The following LBX2 variants were observed in gnomAD, a reference collection of about 807,000 sequenced individuals.
LBX2 encodes the protein transcription factor LBX2.
In LBX2, 6 loss-of-function variants were observed where a neutral mutation model predicts 7.5. The observed-to-expected ratio is 0.80, with a 90% CI of 0.44 to 1.59. The LOEUF is 1.59. Among genes scored for constraint, LBX2 ranks in the 40% most tolerant of loss-of-function variants. LBX2 has a pLI of 0.01. For synonymous variants in LBX2, 143 were observed against 133.2 expected, an observed-to-expected ratio of 1.07 and a Z score of -0.51; for missense variants, 281 against 282.0, an observed-to-expected ratio of 1.00 and a Z score of 0.03.
Position 74,499,596 on chromosome 2 carries a change from G to A in LBX2, c.-59C>T. The A allele has an allele frequency of 1.3e-6, 2 of 1,496,822 alleles. No homozygotes were observed. Among genetic ancestry groups the A allele is most frequent in the Non-Finnish European group, 1.8e-6 (2 of 1,112,490 alleles). The allele number at this position is 1,496,822 out of a possible 1,614,324, so 92.7% of individuals were successfully genotyped here. On this transcript the variant is annotated 5_prime_UTR_variant, in exon 1 of 2. Transcript: ENST00000377566. The surrounding 1 kb of genome is among the most constrained non-coding windows in gnomAD (Gnocchi z 4.6). Reference sequence around the variant, plus strand: ...TGCGCTAGGCTCCGCAAACGCCTGGGCCCCAGTGCTCGGCTCCCAATCCGG... The same window carrying A: ...TGCGCTAGGCTCCGCAAACGCCTGGACCCCAGTGCTCGGCTCCCAATCCGG...
Position 74,499,602 on chromosome 2 carries a change from G to A in LBX2, c.-65C>T. 1 of 1,482,112 alleles carries A rather than the reference G, an allele frequency of 6.7e-7. No homozygotes were observed. Among genetic ancestry groups the A allele is most frequent in the Non-Finnish European group, 9.1e-7 (1 of 1,103,680 alleles). 91.8% of individuals were successfully genotyped at this position (1,482,112 alleles called of 1,614,324 possible). On this transcript the variant is annotated 5_prime_UTR_variant, in exon 1 of 2. Coordinates refer to ENST00000377566, the MANE Select transcript of LBX2 (RefSeq NM_001282430.2). This position sits in a 1 kb window ranked among gnomAD's most constrained non-coding sequence, Gnocchi z 4.6. ...AGGCTCCGCAAACGCCTGGGCCCCA[G>A]TGCTCGGCTCCCAATCCGGGCCCCC...
upstream of LBX2, chr2:74,502,758 G>T: frequency 6.2e-7 from 1 of 1,614,048 alleles, no homozygotes; most frequent in South Asian, 1.1e-5. This position sits in a 1 kb window ranked among gnomAD's most constrained non-coding sequence, Gnocchi z 5.4. Flanking sequence ...CCGGGCGTGC[G>T]GGCCGGGAAG....
At chr2:74,502,616 C>A, upstream of LBX2, 2 of 1,564,228 alleles carry the variant, frequency 1.3e-6, no homozygotes. This position sits in a 1 kb window ranked among gnomAD's most constrained non-coding sequence, Gnocchi z 5.4. Context: ...TTTTCTCTTT[C>A]AGAAAGCGCT....
upstream of LBX2, among the ~76,000 whole-genome samples, chr2:74,499,916 A>C (rs1445293305): frequency 2.0e-5 from 3 of 152,222 alleles, no homozygotes; most frequent in Non-Finnish European, 4.4e-5. The surrounding 1 kb of genome is among the most constrained non-coding windows in gnomAD (Gnocchi z 4.6). Flanking sequence ...GCTCCGGCTC[A>C]TAAACTAGTA....
upstream of LBX2, chr2:74,499,811 G>C (rs1674447480): frequency 5.5e-6 from 3 of 543,996 alleles, no homozygotes; most frequent in South Asian, 6.4e-5. This position sits in a 1 kb window ranked among gnomAD's most constrained non-coding sequence, Gnocchi z 4.6. Flanking sequence ...GCAGGGCCAC[G>C]GGGCTGCTCC....
At chr2:74,501,395 A>C (rs573326844), upstream of LBX2, 1 of 152,392 alleles carries the variant, frequency 6.6e-6, no homozygotes, top group Non-Finnish European at 1.5e-5. Context: ...GAACTGCCCC[A>C]CTGCATCCCA....
At chr2:74,502,701 C>T (rs1674520844), upstream of LBX2, 1 of 1,614,158 alleles carries the variant, frequency 6.2e-7, no homozygotes, top group Non-Finnish European at 8.5e-7. This position sits in a 1 kb window ranked among gnomAD's most constrained non-coding sequence, Gnocchi z 5.4. Flanking sequence ...TGTTTTCCGC[C>T]CTGGACGCTG....
Position 74,497,960 on chromosome 2 carries a change from G to GT in LBX2, c.563dup (p.His188GlnfsTer120). 2 of 1,598,182 alleles carry GT rather than the reference G, an allele frequency of 1.3e-6. No individual in the cohort carries two copies. The highest frequency in any genetic ancestry group is 1.7e-4 in the Middle Eastern group (1 of 5,964). On this transcript the variant is annotated frameshift_variant, in exon 2 of 2. Coordinates refer to ENST00000377566, the MANE Select transcript of LBX2 (RefSeq NM_001282430.2). LOFTEE classifies it high-confidence loss of function. The stretch of plus-strand genomic sequence containing the variant: ...CCACCTGTATCTCCTCGTCTGACAG[G>GT]TGGGGCCGGGAGTCAGGGCCGGCAG...
upstream of LBX2, chr2:74,502,145 C>G (rs998478536): frequency 3.9e-5 from 6 of 154,720 alleles, no homozygotes; most frequent in Admixed American, 2.6e-4. This position sits in a 1 kb window ranked among gnomAD's most constrained non-coding sequence, Gnocchi z 5.4. Flanking sequence ...TCCCCACATT[C>G]CAAATTCGCT....
upstream of LBX2, among the ~76,000 whole-genome samples, chr2:74,501,306 G>A (rs769212343): frequency 2.6e-5 from 4 of 152,104 alleles, no homozygotes; most frequent in Non-Finnish European, 5.9e-5. Flanking sequence ...AGAGATCTTC[G>A]GGCTACAGGC....
upstream of LBX2, chr2:74,499,694 T>C: frequency 2.8e-6 from 2 of 720,702 alleles, no homozygotes; most frequent in Non-Finnish European, 4.5e-6. This position sits in a 1 kb window ranked among gnomAD's most constrained non-coding sequence, Gnocchi z 4.6. Flanking sequence ...CCCCCACCTC[T>C]CCACCCCGGG....
chr2:74,502,889 G>C (rs759083201), upstream of LBX2: 1 of 1,568,964 alleles, frequency 6.4e-7, no homozygotes, highest in South Asian at 1.1e-5. This position sits in a 1 kb window ranked among gnomAD's most constrained non-coding sequence, Gnocchi z 5.4. Flanking sequence ...GCCAGGCTGA[G>C]AGAGGGACCC....
rs1250433056 is a variant in LBX2 at position 74,497,950 on chromosome 2, C to T, written c.574G>A (p.Glu192Lys). The change falls in exon 2 of 2, where the codon GAG becomes AAG. Residue 192 changes from glutamate to lysine, a missense_variant. Coordinates refer to ENST00000377566, the MANE Select transcript of LBX2 (RefSeq NM_001282430.2). ...GPDSRPHLSD[E>K]EIQVDD The stretch of plus-strand genomic sequence containing the variant: ...CTTCAATCGTCCACCTGTATCTCCT[C>T]GTCTGACAGGTGGGGCCGGGAGTCA... 3.1e-6 allele frequency: 5 copies of T among 1,591,624 alleles called. No individual in the cohort carries two copies. The highest frequency in any genetic ancestry group is 8.6e-7 in the Non-Finnish European group (1 of 1,166,656).
At position 74,499,507 on chromosome 2, in the gene LBX2, G is replaced by A. The variant is rs1349257151; in HGVS notation, c.31C>T (p.Arg11Trp). MNSGREPRTP[R>W]TLLSIADILA... ...ATGTCTGCGATGCTTAAGAGTGTCCGGGGTGTTCGGGGCTCGCGTCCCGAG... is the reference window on the plus strand; with the variant it reads ...ATGTCTGCGATGCTTAAGAGTGTCCAGGGTGTTCGGGGCTCGCGTCCCGAG... Residue 11 changes from arginine (R) to tryptophan (W), a missense_variant, in exon 1 of 2, where the codon CGG (arginine) becomes TGG (tryptophan). Physicochemically the swap from Arg to Trp is moderately radical, Grantham distance 101. This residue lies in a region of LBX2 where 216 missense variants were observed against 208.7 expected (regional missense o/e 1.03). Transcript: ENST00000377566. The surrounding 1 kb of genome is among the most constrained non-coding windows in gnomAD (Gnocchi z 4.6). 3 of 1,549,534 alleles carry A rather than the reference G, an allele frequency of 1.9e-6. No individual in the cohort carries two copies. Among genetic ancestry groups the A allele is most frequent in the East Asian group, 2.4e-5 (1 of 40,894 alleles).
In LBX2 at chr2:74,499,463, G is replaced by T. The variant is rs117489853; in HGVS notation, c.75C>A (p.Val25=). Residue 25 remains valine (V), a synonymous_variant, in exon 1 of 2, where the codon GTC becomes GTA. Coordinates refer to ENST00000377566, the MANE Select transcript of LBX2 (RefSeq NM_001282430.2). This position sits in a 1 kb window ranked among gnomAD's most constrained non-coding sequence, Gnocchi z 4.6. The part of the protein sequence containing the change: ...SIADILAPRM[V]PRAPSAPQLP... ...GCTGCGGCGCAGAGGGTGCTCGGGG[G>T]ACCATGCGCGGGGCTAGGATGTCTG... 2 of 1,550,450 alleles carry T rather than the reference G, an allele frequency of 1.3e-6. No individual in the cohort carries two copies. Among genetic ancestry groups the T allele is most frequent in the Admixed American group, 2.0e-5 (1 of 50,996 alleles).
chr2:74,501,472 T>C (rs529523548), upstream of LBX2: 2 of 152,376 alleles, frequency 1.3e-5, no homozygotes, highest in South Asian at 4.1e-4. Context: ...TGTGTCTGTC[T>C]CTACCTCTGC....
rs1488075878 is a variant in LBX2 at position 74,498,328 on chromosome 2, T to C, written c.206-10A>G. The C allele has an allele frequency of 6.7e-7, 1 of 1,500,940 alleles. No homozygotes were observed. Among genetic ancestry groups the C allele is most frequent in the African/African-American group, 1.4e-5 (1 of 72,174 alleles). The allele number at this position is 1,500,940 out of a possible 1,614,324, so 93.0% of individuals were successfully genotyped here. Reference sequence around the variant, plus strand: ...TCCGGACCTGCCCGCCCTGTAGGGATAGGGAGGGGGTCAGTTTCCAGCCTC... The same window carrying C: ...TCCGGACCTGCCCGCCCTGTAGGGACAGGGAGGGGGTCAGTTTCCAGCCTC... On this transcript the variant is annotated splice_polypyrimidine_tract_variant and intron_variant, in intron 1 of 1. Coordinates refer to ENST00000377566, the MANE Select transcript of LBX2 (RefSeq NM_001282430.2).
At position 74,497,714 on chromosome 2, in the gene LBX2, C is replaced by T. The variant is rs1674382239; in HGVS notation, c.*213G>A. On this transcript the variant is annotated 3_prime_UTR_variant, in exon 2 of 2. Coordinates refer to ENST00000377566, the MANE Select transcript of LBX2 (RefSeq NM_001282430.2). The stretch of plus-strand genomic sequence containing the variant: ...TCGCGACTGCAGTGAGCGGTGATCG[C>T]TCCACGGCACTCCAGCCTGGGCGAC... 2 of 554,338 alleles carry T rather than the reference C, an allele frequency of 3.6e-6. No homozygotes were observed. Among genetic ancestry groups the T allele is most frequent in the East Asian group, 3.2e-5 (1 of 31,632 alleles). 34.3% of individuals were successfully genotyped at this position (554,338 alleles called of 1,614,324 possible). A position where few individuals can be genotyped will look rare whatever the true frequency, so the allele number is the denominator to read the frequency against.
chr2:74,500,971 C>A (rs983471610), upstream of LBX2, among the ~76,000 whole-genome samples: 2 of 152,192 alleles, frequency 1.3e-5, no homozygotes, highest in Non-Finnish European at 2.9e-5. Context: ...CAGTGTCCAC[C>A]TGTCTATTCC....
Sources: gnomAD v4.1 joint callset for allele counts (sites outside exome capture counted in the v4.1 genomes callset) on GRCh38, gnomAD v4.1.1 for gene constraint, gnomAD v4.1.1 regional missense constraint, Gnocchi (gnomAD v3.1) non-coding constraint, MANE v1.5 for transcripts, NCBI Gene and HGNC (gene_info 2026-07-23, HGNC 2026-07-21) for gene names.